The following PDZRN4 variants were observed in gnomAD, a reference collection of about 807,000 sequenced individuals.
PDZRN4 encodes the protein PDZ domain containing ring finger 4.
PDZRN4 carries 70 observed loss-of-function variants against 99.0 expected under a neutral mutation model. The ratio of observed to expected loss-of-function variants is 0.71; its 90% CI spans 0.58 to 0.86. The LOEUF is 0.86. PDZRN4 is among the 40% of genes least tolerant of loss of function. The pLI is 0.00. For synonymous variants in PDZRN4, 551 were observed against 501.6 expected (o/e 1.10, Z -1.32); for missense variants, 1,474 against 1,331.2 (o/e 1.11, Z -1.67).
intron 3 of PDZRN4, among the ~76,000 whole-genome samples, chr12:41,466,822 AC>A (rs1316685091): frequency 7.2e-6 from 1 of 138,250 alleles, no homozygotes; most frequent in Non-Finnish European, 1.5e-5. Context: ...TGGGTCTTGC[AC>A]CATGAACCAT....
At chr12:41,445,910 T>G (rs966173855) in intron 3 of PDZRN4, among the ~76,000 whole-genome samples, 8 of 152,114 alleles carry the variant, frequency 5.3e-5, no homozygotes, top group African/African-American at 1.7e-4. Context: ...GTTTTCTATA[T>G]CTAAATGCAA....
chr12:41,555,156 G>T (rs1456987790), intron 6 of PDZRN4, among the ~76,000 whole-genome samples: 1 of 145,758 alleles, frequency 6.9e-6, no homozygotes, highest in South Asian at 2.2e-4. Flanking sequence ...GCATGAACCC[G>T]AGAGGCGGAG....
intron 3 of PDZRN4, among the ~76,000 whole-genome samples, chr12:41,210,396 G>A (rs1383904723): frequency 1.3e-5 from 2 of 151,838 alleles, no homozygotes; most frequent in Non-Finnish European, 2.9e-5. Context: ...TCAATGGCAA[G>A]TTTTCTATAG....
chr12:41,302,921 A>T (rs988134695), intron 3 of PDZRN4, among the ~76,000 whole-genome samples: 1 of 123,026 alleles, frequency 8.1e-6, no homozygotes, highest in African/African-American at 2.9e-5. Flanking sequence ...CTGATTTCAT[A>T]TATATATATA....
chr12:41,563,748 T>C, intron 8 of PDZRN4, 99 bp downstream of exon 8: 1 of 802,142 alleles, frequency 1.2e-6, no homozygotes, highest in Non-Finnish European at 2.0e-6. Context: ...TCTGCTATTC[T>C]CTATCAAATC....
At chr12:41,225,591 T>C (rs1950988143) in intron 3 of PDZRN4, among the ~76,000 whole-genome samples, 1 of 152,152 alleles carries the variant, frequency 6.6e-6, no homozygotes, top group African/African-American at 2.4e-5. Context: ...TCCACAAATG[T>C]TTACAAAACA....
At chr12:41,387,525 A>G (rs1024311770) in intron 3 of PDZRN4, among the ~76,000 whole-genome samples, 3 of 152,094 alleles carry the variant, frequency 2.0e-5, no homozygotes, top group African/African-American at 7.2e-5. Context: ...CCAGAAGGTG[A>G]AGATTGCAGG....
chr12:41,570,650 T>C (rs2120856663), intron 9 of PDZRN4, among the ~76,000 whole-genome samples: 1 of 152,286 alleles, frequency 6.6e-6, no homozygotes, highest in Non-Finnish European at 1.5e-5. Context: ...AAAATATAAT[T>C]ATAAATAACA....
chr12:41,211,506 T>G (rs1195375186), intron 3 of PDZRN4, among the ~76,000 whole-genome samples: 5 of 151,990 alleles, frequency 3.3e-5, no homozygotes, highest in African/African-American at 1.2e-4. Flanking sequence ...AAGAAGCTTT[T>G]CTCTGAGGTG....
intron 3 of PDZRN4, among the ~76,000 whole-genome samples, chr12:41,478,972 T>A (rs1296452884): frequency 6.6e-6 from 1 of 152,188 alleles, no homozygotes; most frequent in African/African-American, 2.4e-5. Context: ...TAGTTTTTCA[T>A]GAGTTGAGAA....
At chr12:41,390,171 C>T (rs1038306271) in intron 3 of PDZRN4, among the ~76,000 whole-genome samples, 2 of 152,020 alleles carry the variant, frequency 1.3e-5, no homozygotes, top group African/African-American at 4.8e-5. Context: ...ACTCTTAACA[C>T]TGATAATCTA....
chr12:41,472,988 G>A (rs537427674), intron 3 of PDZRN4, among the ~76,000 whole-genome samples: 1 of 152,198 alleles, frequency 6.6e-6, no homozygotes. Context: ...CCATTATTGA[G>A]CAGCCAGTAA....
chr12:41,231,660 T>C (rs900885556), intron 3 of PDZRN4, among the ~76,000 whole-genome samples: 2 of 152,144 alleles, frequency 1.3e-5, no homozygotes, highest in African/African-American at 4.8e-5. Context: ...TACTAAATAG[T>C]GATGACAGAA....
chr12:41,231,225 G>A (rs1056496238), intron 3 of PDZRN4, among the ~76,000 whole-genome samples: 4 of 152,066 alleles, frequency 2.6e-5, no homozygotes, highest in Non-Finnish European at 5.9e-5. Flanking sequence ...CAGTAAGATT[G>A]CTCTGTTGCC....
At chr12:41,536,047 C>T (rs1938743168) in intron 5 of PDZRN4, among the ~76,000 whole-genome samples, 1 of 152,164 alleles carries the variant, frequency 6.6e-6, no homozygotes, top group African/African-American at 2.4e-5. Context: ...TCCTATTAGA[C>T]TCTATACCAT....
At chr12:41,473,665 C>T (rs376955416) in intron 3 of PDZRN4, among the ~76,000 whole-genome samples, 3 of 152,166 alleles carry the variant, frequency 2.0e-5, no homozygotes, top group East Asian at 3.9e-4. Flanking sequence ...ATCTCTCCAG[C>T]TGTGGCCCTG....
chr12:41,438,058 G>A, intron 3 of PDZRN4: 2 of 1,602,926 alleles, frequency 1.2e-6, no homozygotes, highest in African/African-American at 1.3e-5. Flanking sequence ...CAGGCTTTGT[G>A]TTTGTCTGAA....
At chr12:41,391,674 G>A (rs1489092905) in intron 3 of PDZRN4, among the ~76,000 whole-genome samples, 3 of 152,180 alleles carry the variant, frequency 2.0e-5, no homozygotes, top group African/African-American at 7.2e-5. Context: ...TGGAGTCTTT[G>A]AGATGTACTC....
chr12:41,376,893 T>A (rs1952086045), intron 3 of PDZRN4, among the ~76,000 whole-genome samples: 1 of 152,190 alleles, frequency 6.6e-6, no homozygotes, highest in African/African-American at 2.4e-5. Flanking sequence ...CTATTTTGAG[T>A]TAAATTTTGC....
Sources: allele counts gnomAD v4.1 joint callset (sites outside exome capture counted in the v4.1 genomes callset), GRCh38; gene constraint gnomAD v4.1.1; transcripts MANE v1.5; gene names NCBI Gene and HGNC (gene_info 2026-07-23, HGNC 2026-07-21).